The following KATNAL2 variants were observed in gnomAD, a reference collection of about 807,000 sequenced individuals.
KATNAL2 encodes the protein katanin p60 ATPase-containing subunit A-like 2.
A neutral mutation model predicts 76.3 loss-of-function variants in KATNAL2; 52 were observed. The ratio of observed to expected loss-of-function variants is 0.68; its 90% confidence interval spans 0.55 to 0.86. The LOEUF (loss-of-function observed/expected upper bound fraction) is 0.86, where lower values mean the gene tolerates loss of function less well. Ranked by LOEUF, KATNAL2 falls within the 40% of genes least tolerant of loss-of-function variation. The probability of loss-of-function intolerance (pLI) is 0.00; values close to 1 mark genes in which losing one functional copy is unlikely to be tolerated. For missense variants in KATNAL2, 660 were observed against 668.9 expected, an observed-to-expected ratio of 0.99 and a Z score of 0.15; for synonymous variants, 243 against 244.2, an observed-to-expected ratio of 1.00 and a Z score of 0.05.
intron 3 of KATNAL2, among the ~76,000 whole-genome samples, chr18:46,950,754 G>C (rs1038029610): frequency 3.6e-4 from 54 of 151,314 alleles, no homozygotes; most frequent in African/African-American, 1.2e-3. Context: ...GTGTGATCTC[G>C]GCTCACCACA....
intron 4 of KATNAL2, among the ~76,000 whole-genome samples, chr18:47,048,810 A>T (rs2061243941): frequency 6.6e-6 from 1 of 151,418 alleles, no homozygotes; most frequent in Non-Finnish European, 1.5e-5. Flanking sequence ...ATATGCGTAT[A>T]AACTTAGAAG....
At chr18:47,063,467 A>C (rs1449837669) in intron 10 of KATNAL2, 106 bp downstream of exon 10, 4 of 806,616 alleles carry the variant, frequency 5.0e-6, no homozygotes, top group Non-Finnish European at 7.9e-6. Flanking sequence ...TCATTTATTT[A>C]TAAAGTGCCC....
At chr18:47,055,396 T>C (rs540420990) in intron 6 of KATNAL2, among the ~76,000 whole-genome samples, 86 of 152,330 alleles carry the variant, frequency 5.6e-4, no homozygotes, top group African/African-American at 2.0e-3. Flanking sequence ...TCAAGAGGTA[T>C]GGATTCTGTT....
chr18:46,952,397 T>TG (rs1489616179), intron 3 of KATNAL2, among the ~76,000 whole-genome samples: 3 of 130,240 alleles, frequency 2.3e-5, no homozygotes, highest in Non-Finnish European at 5.0e-5. Context: ...AGGTATGTTT[T>TG]TTTTTTTTTT....
chr18:47,066,010 T>G (rs887831216), intron 10 of KATNAL2, among the ~76,000 whole-genome samples: 1 of 151,336 alleles, frequency 6.6e-6, no homozygotes, highest in Non-Finnish European at 1.5e-5. Flanking sequence ...TTAAAAAAAA[T>G]TTTAAAAAAA....
intron 3 of KATNAL2, among the ~76,000 whole-genome samples, chr18:47,045,098 CA>C (rs1273935362): frequency 1.5e-5 from 2 of 132,954 alleles, no homozygotes; most frequent in Non-Finnish European, 1.6e-5. Context: ...GACCCTGTCT[CA>C]AAAAAAAATT....
rs762910980 is a variant in KATNAL2, at chr18:47,034,087, C to T, written c.52-12370C>T. The T allele has an allele frequency of 5.0e-6, 8 of 1,614,078 alleles. No individual in the cohort carries two copies. In the Admixed American group the frequency reaches 6.7e-5, roughly 13 times the overall value. ...TTTTCCAGTCTTTTTCTTTTGCTTC[C>T]GCAACTGATCGTAGGTGAGGTATTT... On this transcript the variant is annotated intron_variant, in intron 3 of 17. Coordinates refer to ENST00000683218, the MANE Select transcript of KATNAL2 (RefSeq NM_001387690.1).
chr18:46,918,084 C>G (rs56277725), intron 1 of KATNAL2, 158 bp downstream of exon 1: 10,564 of 150,904 alleles, frequency 0.07, 393 homozygotes, highest in Non-Finnish European at 0.08. Flanking sequence ...GGGTTGGGGG[C>G]GGGGAGAAGT....
At position 47,046,317 on chromosome 18, in the gene KATNAL2, C is replaced by T. The variant is rs1015722443; in HGVS notation, c.52-140C>T. ...ACAATGGAAAACAACTTTATATGTCCTTAGAGACTTCAAATTGCTTTCCAG... is the reference window on the plus strand; with the variant it reads ...ACAATGGAAAACAACTTTATATGTCTTTAGAGACTTCAAATTGCTTTCCAG... On this transcript the variant is annotated intron_variant, in intron 3 of 17. Coordinates refer to ENST00000683218, the MANE Select transcript of KATNAL2 (RefSeq NM_001387690.1). The T allele has an allele frequency of 2.0e-5, 13 of 634,238 alleles. No individual in the cohort carries two copies. The Admixed American group carries it at 2.1e-4, about 10-fold the overall frequency. The allele number at this position is 634,238 out of a possible 1,614,324, so 39.3% of individuals were successfully genotyped here.
At chr18:47,084,381 C>T (rs1402700333) in intron 15 of KATNAL2, 1 of 702,916 alleles carries the variant, frequency 1.4e-6, no homozygotes, top group South Asian at 1.5e-5. Flanking sequence ...TCCCTGCCTG[C>T]AATCAAGGTC....
chr18:47,031,796 G>T (rs969392769), intron 3 of KATNAL2, among the ~76,000 whole-genome samples: 6 of 152,060 alleles, frequency 3.9e-5, no homozygotes, highest in East Asian at 1.9e-4. Context: ...GTTTTATATG[G>T]TTACTGGCAG....
At chr18:46,952,393 G>GTT (rs35596537) in intron 3 of KATNAL2, among the ~76,000 whole-genome samples, 4,292 of 64,510 alleles carry the variant, frequency 0.067, 565 homozygotes, top group Middle Eastern at 0.083. Flanking sequence ...CTGCAGGTAT[G>GTT]TTTTTTTTTT....
chr18:47,041,153 A>C (rs2060949087), intron 3 of KATNAL2, among the ~76,000 whole-genome samples: 1 of 152,188 alleles, frequency 6.6e-6, no homozygotes, highest in Non-Finnish European at 1.5e-5. Context: ...CCCACTGTCA[A>C]CATCCCAAAA....
intron 3 of KATNAL2, among the ~76,000 whole-genome samples, chr18:46,958,127 G>GTT (rs369930015): frequency 1.3e-5 from 2 of 148,180 alleles, no homozygotes; most frequent in African/African-American, 4.9e-5. Context: ...ACAGCGTTTT[G>GTT]TTTTTTTTTT....
At chr18:47,082,774 T>C (rs968045483) in intron 15 of KATNAL2, among the ~76,000 whole-genome samples, 1 of 152,172 alleles carries the variant, frequency 6.6e-6, no homozygotes, top group Non-Finnish European at 1.5e-5. Context: ...GTGTATTTGC[T>C]AGTGTATCTT....
intron 6 of KATNAL2, among the ~76,000 whole-genome samples, chr18:47,056,530 G>A (rs1022763100): frequency 1.1e-4 from 17 of 152,186 alleles, no homozygotes; most frequent in South Asian, 2.1e-4. Context: ...TCTAAAGGGC[G>A]ATTGGGCCTT....
At chr18:46,957,438 T>C (rs1599462262) in intron 3 of KATNAL2, among the ~76,000 whole-genome samples, 1 of 151,538 alleles carries the variant, frequency 6.6e-6, no homozygotes, top group East Asian at 1.9e-4. Context: ...GTATTTTTAG[T>C]AGAGACGGTG....
chr18:47,036,753 C>T (rs1189072755), intron 3 of KATNAL2, among the ~76,000 whole-genome samples: 2 of 151,940 alleles, frequency 1.3e-5, no homozygotes, highest in African/African-American at 2.4e-5. Flanking sequence ...ACTTATTTAC[C>T]CTCTCAAATT....
chr18:47,061,083 A>G (rs1369105996), intron 8 of KATNAL2, among the ~76,000 whole-genome samples: 1 of 152,232 alleles, frequency 6.6e-6, no homozygotes, highest in Non-Finnish European at 1.5e-5. Context: ...CTTTCTCCCT[A>G]GCATTTCATA....
Sources: gnomAD v4.1 joint callset for allele counts (sites outside exome capture counted in the v4.1 genomes callset) on GRCh38, gnomAD v4.1.1 for gene constraint, MANE v1.5 for transcripts, NCBI Gene and HGNC (gene_info 2026-07-23, HGNC 2026-07-21) for gene names.